Variants in AP3B1 observed in about 807,000 individuals in gnomAD.
AP3B1 encodes the protein AP-3 complex subunit beta-1.
A neutral mutation model predicts 132.5 loss-of-function variants in AP3B1; 61 were observed. The ratio of observed to expected loss-of-function variants is 0.46; its 90% CI spans 0.37 to 0.57. AP3B1 has a LOEUF of 0.57. Ranked by LOEUF, AP3B1 falls within the 20% of genes least tolerant of loss-of-function variation. AP3B1 has a pLI of 0.00. For synonymous variants in AP3B1, 388 were observed against 438.3 expected, an observed-to-expected ratio of 0.89 and a Z score of 1.43; for missense variants, 1,120 against 1,289.4, an observed-to-expected ratio of 0.87 and a Z score of 2.01.
At chr5:78,057,488 G>A (rs1473485575) in intron 22 of AP3B1, among the ~76,000 whole-genome samples, 1 of 152,064 alleles carries the variant, frequency 6.6e-6, no homozygotes, top group Non-Finnish European at 1.5e-5. Context: ...CTTGAGCTGG[G>A]TATTTTCAGA....
chr5:78,163,900 C>T (rs1201070931), intron 12 of AP3B1, among the ~76,000 whole-genome samples: 1 of 151,556 alleles, frequency 6.6e-6, no homozygotes. Flanking sequence ...AAGAAAGATT[C>T]CCAACCTCAA....
At chr5:78,249,110 T>G (rs955852207) in intron 2 of AP3B1, among the ~76,000 whole-genome samples, 24 of 152,136 alleles carry the variant, frequency 1.6e-4, no homozygotes, top group Non-Finnish European at 3.4e-4. Context: ...ATCCCAGCAC[T>G]TTGGGAGGCT....
intron 14 of AP3B1, among the ~76,000 whole-genome samples, chr5:78,152,813 A>G (rs1753728316): frequency 6.6e-6 from 1 of 152,150 alleles, no homozygotes; most frequent in African/African-American, 2.4e-5. Flanking sequence ...TTGGTCATTC[A>G]GGAGCATATT....
intron 22 of AP3B1, among the ~76,000 whole-genome samples, chr5:78,077,484 C>T (rs76280063): frequency 5.9e-5 from 9 of 152,098 alleles, no homozygotes; most frequent in East Asian, 3.8e-4. Context: ...CTACATGTAC[C>T]GGCACACAAA....
chr5:78,129,038 A>C (rs1004063134), intron 16 of AP3B1, 83 bp downstream of exon 16: 2 of 1,151,130 alleles, frequency 1.7e-6, no homozygotes, highest in Non-Finnish European at 1.2e-6. Context: ...CCTAAGAGAT[A>C]AATTTTAAGC....
At chr5:78,150,101 G>C (rs957131921) in intron 14 of AP3B1, among the ~76,000 whole-genome samples, 1 of 152,092 alleles carries the variant, frequency 6.6e-6, no homozygotes, top group Non-Finnish European at 1.5e-5. Flanking sequence ...CCTCTGAAGA[G>C]AATGAGAATA....
intron 8 of AP3B1, among the ~76,000 whole-genome samples, chr5:78,178,128 T>A (rs1744226228): frequency 6.6e-6 from 1 of 152,198 alleles, no homozygotes; most frequent in African/African-American, 2.4e-5. Context: ...TGGGGCTTTT[T>A]AAGAATTATA....
At chr5:78,119,620 T>C (rs952818173) in intron 17 of AP3B1, among the ~76,000 whole-genome samples, 5 of 151,660 alleles carry the variant, frequency 3.3e-5, no homozygotes, top group Admixed American at 6.6e-5. Context: ...TGAAATGAAG[T>C]GAGAAGGGAA....
At position 78,175,785 on chromosome 5, in the gene AP3B1, T is replaced by C; in HGVS notation, c.1094A>G (p.Lys365Arg). Residue 365 changes from lysine to arginine, a missense_variant and splice_region_variant, in exon 10 of 27, where the codon AAG becomes AGG. Physicochemically the swap from Lys to Arg is conservative, Grantham distance 26. Coordinates refer to ENST00000255194, the MANE Select transcript of AP3B1 (RefSeq NM_003664.5). ...ATTACGTGTTCAGAACATACATACC[T>C]TTCTTTGAATTGACATAGTTGCTAT... ...QNIATMSIQR[K>R]GMFEPYLKSF... The C allele has an allele frequency of 6.2e-7, 1 of 1,612,092 alleles. No individual in the cohort carries two copies. Among genetic ancestry groups the C allele is most frequent in the Non-Finnish European group, 8.5e-7 (1 of 1,178,644 alleles).
At chr5:78,079,944 A>G (rs900217310) in intron 22 of AP3B1, among the ~76,000 whole-genome samples, 3 of 152,202 alleles carry the variant, frequency 2.0e-5, no homozygotes, top group Non-Finnish European at 4.4e-5. Context: ...TGCATCCATC[A>G]ATTAAATAAT....
chr5:78,274,080 T>C (rs1361537352), intron 1 of AP3B1, among the ~76,000 whole-genome samples: 1 of 139,864 alleles, frequency 7.1e-6, no homozygotes, highest in Non-Finnish European at 1.5e-5. Flanking sequence ...GTGACTCAGA[T>C]ACCAGAGTTA....
intron 22 of AP3B1, among the ~76,000 whole-genome samples, chr5:78,073,741 T>C (rs942122421): frequency 6.6e-6 from 1 of 152,144 alleles, no homozygotes; most frequent in African/African-American, 2.4e-5. Flanking sequence ...ATAATAATAA[T>C]TAAAAGCTAA....
At chr5:78,204,789 G>A (rs1248135753) in intron 7 of AP3B1, among the ~76,000 whole-genome samples, 1 of 152,238 alleles carries the variant, frequency 6.6e-6, no homozygotes, top group African/African-American at 2.4e-5. Flanking sequence ...CTGAGGCAGA[G>A]AAGGGAGGAT....
At chr5:78,113,605 A>T in intron 19 of AP3B1, 147 bp downstream of exon 19, 1 of 819,918 alleles carries the variant, frequency 1.2e-6, no homozygotes. Context: ...GTGAACAACT[A>T]GCACTTTAAT....
chr5:78,100,147 T>A (rs1274255644), intron 21 of AP3B1, among the ~76,000 whole-genome samples: 1 of 152,116 alleles, frequency 6.6e-6, no homozygotes, highest in Non-Finnish European at 1.5e-5. Context: ...TTAATTTCTC[T>A]ATATTAAGTA....
At chr5:78,154,941 A>C (rs561438139) in intron 14 of AP3B1, among the ~76,000 whole-genome samples, 2 of 152,234 alleles carry the variant, frequency 1.3e-5, no homozygotes, top group Non-Finnish European at 1.5e-5. Context: ...CTGTTTCTCT[A>C]GTATTGGCCC....
intron 21 of AP3B1, among the ~76,000 whole-genome samples, chr5:78,097,266 C>G (rs1278590365): frequency 3.5e-5 from 4 of 113,472 alleles, no homozygotes; most frequent in African/African-American, 1.5e-4. Flanking sequence ...CGGCCAGCCA[C>G]CCCGTCCGGG....
chr5:78,124,639 T>TA (rs1561424413), intron 17 of AP3B1, among the ~76,000 whole-genome samples: 1 of 152,164 alleles, frequency 6.6e-6, no homozygotes, highest in Non-Finnish European at 1.5e-5. Flanking sequence ...GTATGTTGCT[T>TA]AAAAAGAGAA....
intron 12 of AP3B1, among the ~76,000 whole-genome samples, chr5:78,164,760 T>C (rs553627622): frequency 6.6e-6 from 1 of 152,256 alleles, no homozygotes; most frequent in South Asian, 2.1e-4. Flanking sequence ...CTACTATTCC[T>C]GTAAAAAGTT....
Sources: gnomAD v4.1 joint callset for allele counts (sites outside exome capture counted in the v4.1 genomes callset) on GRCh38, gnomAD v4.1.1 for gene constraint, MANE v1.5 for transcripts, NCBI Gene and HGNC (gene_info 2026-07-23, HGNC 2026-07-21) for gene names.